EPB41: variants seen among roughly 807,000 people sequenced by gnomAD.
EPB41 encodes protein 4.1.
A neutral mutation model predicts 108.0 loss-of-function variants in EPB41; 65 were observed. That is an observed-to-expected ratio of 0.60 (90% confidence interval 0.49 to 0.74). The LOEUF (loss-of-function observed/expected upper bound fraction) is 0.74. Ranked by LOEUF, EPB41 falls within the 30% of genes least tolerant of loss-of-function variation. The pLI is 0.00. For synonymous variants in EPB41, 336 were observed against 358.9 expected, an observed-to-expected ratio of 0.94 and a Z score of 0.72; for missense variants, 875 against 1,037.0, an observed-to-expected ratio of 0.84 and a Z score of 2.15.
At chr1:28,999,471 T>C (rs2096253485) in intron 4 of EPB41, among the ~76,000 whole-genome samples, 1 of 152,148 alleles carries the variant, frequency 6.6e-6, no homozygotes, top group Non-Finnish European at 1.5e-5. Context: ...AGAAATTGAA[T>C]AGTTACATTG....
At chr1:29,069,396 G>A in intron 16 of EPB41, 6 of 1,229,010 alleles carry the variant, frequency 4.9e-6, no homozygotes, top group South Asian at 4.3e-5. Context: ...CTTTAAAAGT[G>A]TCTAAAGCAT....
At chr1:29,074,199 C>G (rs1652853958) in intron 16 of EPB41, among the ~76,000 whole-genome samples, 1 of 152,114 alleles carries the variant, frequency 6.6e-6, no homozygotes, top group Non-Finnish European at 1.5e-5. Context: ...GTTTTGAATA[C>G]AGTAAAGACA....
At chr1:29,068,903 T>C (rs1649838629) in intron 16 of EPB41, 1 of 840,210 alleles carries the variant, frequency 1.2e-6, no homozygotes, top group Admixed American at 4.3e-5. Context: ...CTTTTGGCTA[T>C]ACTAGTAAAT....
chr1:29,011,979 G>T, intron 5 of EPB41, 72 bp downstream of exon 5: 1 of 1,536,498 alleles, frequency 6.5e-7, no homozygotes, highest in Non-Finnish European at 9.0e-7. Flanking sequence ...ACCATTTCTG[G>T]CTGTGAGTCA....
Position 29,082,076 on chromosome 1 carries a change from G to A in EPB41, c.2185-15731G>A, listed in dbSNP as rs114508549. On this transcript the variant is annotated intron_variant, in intron 16 of 20. Transcript: ENST00000343067. ...TAATTTTCTATAATAATAGCTGTCTGTTGCATTGGTTCTGTAGAATCAAGG... is the reference window on the plus strand; with the variant it reads ...TAATTTTCTATAATAATAGCTGTCTATTGCATTGGTTCTGTAGAATCAAGG... 3.8e-3 allele frequency among the ~76,000 whole-genome samples: 585 copies of A among 152,260 alleles called. 5 individuals are homozygous for A. The highest frequency in any genetic ancestry group is 0.014 in the African/African-American group (567 of 41,556).
intron 12 of EPB41, 33 bp downstream of exon 12, chr1:29,053,345 A>C: frequency 5.0e-6 from 8 of 1,612,092 alleles, no homozygotes; most frequent in Non-Finnish European, 6.8e-6. Context: ...TAGCTAACTC[A>C]CTTTCTGATT....
At chr1:28,888,619 ATTATTAT>A (rs2089733817) in intron 1 of EPB41, among the ~76,000 whole-genome samples, 1 of 152,196 alleles carries the variant, frequency 6.6e-6, no homozygotes, top group Admixed American at 6.5e-5. Context: ...TGAGGTGGGA[ATTATTAT>A]TTCTTCTTTT....
chr1:29,003,132 G>GC (rs2096332209), intron 4 of EPB41, among the ~76,000 whole-genome samples: 1 of 152,188 alleles, frequency 6.6e-6, no homozygotes, highest in African/African-American at 2.4e-5. Context: ...TATATGTACT[G>GC]TCAATAAGCC....
At chr1:29,040,487 G>A (rs144911194) in intron 11 of EPB41, among the ~76,000 whole-genome samples, 60 of 151,980 alleles carry the variant, frequency 3.9e-4, no homozygotes, top group Admixed American at 2.2e-3. Flanking sequence ...CACTATGTTC[G>A]CCAGGCTGGT....
chr1:28,997,784 A>G (rs1353741004), intron 4 of EPB41, among the ~76,000 whole-genome samples: 3 of 152,148 alleles, frequency 2.0e-5, no homozygotes, highest in Non-Finnish European at 2.9e-5. Flanking sequence ...AAATCCCAAT[A>G]TTATTGAAAC....
intron 16 of EPB41, chr1:29,069,277 A>G: frequency 8.1e-7 from 1 of 1,231,692 alleles, no homozygotes; most frequent in African/African-American, 1.5e-5. Context: ...ACTTAGAGCC[A>G]AGTTTTTCCT....
intron 1 of EPB41, among the ~76,000 whole-genome samples, chr1:28,983,586 C>G (rs1303060566): frequency 1.3e-5 from 2 of 152,190 alleles, no homozygotes; most frequent in Non-Finnish European, 2.9e-5. Flanking sequence ...GCCTGCCACT[C>G]TCAACTCCTT....
At chr1:28,987,206 T>C (rs1348011357) in intron 1 of EPB41, among the ~76,000 whole-genome samples, 3 of 152,218 alleles carry the variant, frequency 2.0e-5, no homozygotes, top group East Asian at 3.8e-4. Flanking sequence ...TAAGCTACTC[T>C]CTCTGTGTGC....
chr1:29,018,096 G>T lies in EPB41; in HGVS notation c.906-128G>T, dbSNP rs911643638. ...ATTATTATCTCATATTTACTTAATT[G>T]CTTTCTTTTCTTCTGTGTCCTTATT... On this transcript the variant is annotated intron_variant, in intron 6 of 20. Transcript: ENST00000343067. The surrounding 1 kb of genome is among the most constrained non-coding windows in gnomAD (Gnocchi z 4.4). 38 of 800,288 alleles carry T rather than the reference G, an allele frequency of 4.7e-5. 1 individual carries two copies. Among genetic ancestry groups the T allele is most frequent in the Admixed American group, 3.4e-4 (15 of 43,544 alleles). 49.6% of individuals were successfully genotyped at this position (800,288 alleles called of 1,614,324 possible).
intron 1 of EPB41, among the ~76,000 whole-genome samples, chr1:28,892,430 G>GT (rs1303001512): frequency 1.3e-5 from 2 of 152,054 alleles, no homozygotes; most frequent in African/African-American, 4.8e-5. Context: ...GCATAGACAA[G>GT]TAAAAACGAG....
chr1:28,970,684 A>G (rs1039303154), intron 1 of EPB41, among the ~76,000 whole-genome samples: 1 of 152,224 alleles, frequency 6.6e-6, no homozygotes, highest in Admixed American at 6.5e-5. Context: ...GAGAATAGTC[A>G]TGGTGTGATT....
At chr1:28,900,188 T>G (rs868368203) in intron 1 of EPB41, among the ~76,000 whole-genome samples, 4 of 152,106 alleles carry the variant, frequency 2.6e-5, no homozygotes, top group Non-Finnish European at 4.4e-5. Context: ...TCAATAAATA[T>G]TTAGAGTTTC....
At chr1:29,038,483 A>G (rs1370115419) in intron 10 of EPB41, among the ~76,000 whole-genome samples, 3 of 152,254 alleles carry the variant, frequency 2.0e-5, no homozygotes, top group Non-Finnish European at 4.4e-5. Flanking sequence ...TGCTGAATTG[A>G]AATCAATTAC....
At chr1:29,004,446 A>G (rs1572279219) in intron 4 of EPB41, among the ~76,000 whole-genome samples, 2 of 152,330 alleles carry the variant, frequency 1.3e-5, no homozygotes, top group South Asian at 4.1e-4. Flanking sequence ...AAGAGCAAAC[A>G]CCAATGGAGT....
Sources: allele counts gnomAD v4.1 joint callset (sites outside exome capture counted in the v4.1 genomes callset), GRCh38; gene constraint gnomAD v4.1.1; non-coding constraint Gnocchi (gnomAD v3.1); transcripts MANE v1.5; gene names NCBI Gene and HGNC (gene_info 2026-07-23, HGNC 2026-07-21).